The following SYNE1 variants were observed in gnomAD, a reference collection of about 807,000 sequenced individuals.
SYNE1 encodes nesprin-1.
A neutral mutation model predicts 1,111.0 loss-of-function variants in SYNE1; 616 were observed. That is an observed-to-expected ratio of 0.55 (90% CI 0.52 to 0.59). The LOEUF (loss-of-function observed/expected upper bound fraction) is 0.59, where lower values mean the gene tolerates loss of function less well. Among genes scored for constraint, SYNE1 ranks in the 20% least tolerant of loss-of-function variants. The probability of loss-of-function intolerance (pLI) is 0.00; values close to 1 mark genes in which losing one functional copy is unlikely to be tolerated. For missense variants in SYNE1, 10,006 were observed against 10,417.0 expected, an observed-to-expected ratio of 0.96 and a Z score of 1.72; for synonymous variants, 3,855 against 3,825.8, an observed-to-expected ratio of 1.01 and a Z score of -0.28.
At chr6:152,572,249 C>G (rs1299493353) in intron 3 of SYNE1, among the ~76,000 whole-genome samples, 1 of 152,096 alleles carries the variant, frequency 6.6e-6, no homozygotes, top group Non-Finnish European at 1.5e-5. Flanking sequence ...TACGTAAATT[C>G]AAACTTTTAC....
Position 152,451,046 on chromosome 6 carries a change from C to T in SYNE1, c.3186+1G>A. ...TCCACATTGTGGTGTGGGAGACGTA[C>T]CCTGTGCTCTTTAATTATCTTTTCA... On this transcript the variant is annotated splice_donor_variant, in intron 26 of 145. Coordinates refer to ENST00000367255, the MANE Select transcript of SYNE1 (RefSeq NM_182961.4). LOFTEE classifies it high-confidence loss of function. 1 of 1,614,066 alleles carries T rather than the reference C, an allele frequency of 6.2e-7. No homozygotes were observed.
chr6:152,577,501 C>CG (rs1270128956), intron 3 of SYNE1, among the ~76,000 whole-genome samples: 1 of 152,008 alleles, frequency 6.6e-6, no homozygotes, highest in Non-Finnish European at 1.5e-5. Context: ...GGCATGGTGG[C>CG]GGGCGCCTGT....
rs542913473 is a variant in SYNE1, at chr6:152,416,217, C to T, written c.6050+170G>A. Among the ~76,000 whole-genome samples, 17 of 152,320 alleles carry T rather than the reference C, an allele frequency of 1.1e-4. No individual in the cohort carries two copies. In the East Asian group the frequency reaches 2.7e-3, roughly 24 times the overall value. ...ATCTGTTTAGGAACAAAAGGAAAGGCAGCTGCTTGCATGACTCAACTCAGC... is the reference window on the plus strand; with the variant it reads ...ATCTGTTTAGGAACAAAAGGAAAGGTAGCTGCTTGCATGACTCAACTCAGC... On this transcript the variant is annotated intron_variant, in intron 41 of 145. Transcript: ENST00000367255.
intron 55 of SYNE1, among the ~76,000 whole-genome samples, chr6:152,385,368 T>C (rs2097509122): frequency 6.6e-6 from 1 of 152,234 alleles, no homozygotes; most frequent in African/African-American, 2.4e-5. Context: ...ACTTTTCTTC[T>C]ATGGTGCTAA....
chr6:152,407,847 C>T (rs778161843), intron 44 of SYNE1, among the ~76,000 whole-genome samples: 1 of 150,972 alleles, frequency 6.6e-6, no homozygotes, highest in African/African-American at 2.4e-5. Flanking sequence ...CTGCAACCTC[C>T]GCCTCCCGGG....
intron 32 of SYNE1, among the ~76,000 whole-genome samples, chr6:152,439,710 A>G (rs1002505392): frequency 2.6e-5 from 4 of 152,138 alleles, no homozygotes; most frequent in African/African-American, 7.2e-5. Context: ...ACAGAAACAC[A>G]AAGGTTTTCT....
At chr6:152,165,104 C>T (rs923957704) in intron 130 of SYNE1, among the ~76,000 whole-genome samples, 14 of 148,312 alleles carry the variant, frequency 9.4e-5, no homozygotes, top group Non-Finnish European at 1.5e-4. Flanking sequence ...TACTTCCAGG[C>T]ATTTAAAGAA....
At chr6:152,582,809 A>G (rs181761524) in intron 3 of SYNE1, among the ~76,000 whole-genome samples, 10 of 152,148 alleles carry the variant, frequency 6.6e-5, no homozygotes, top group Admixed American at 1.3e-4. Flanking sequence ...TCTTTGTTAA[A>G]GAGTATACTG....
intron 126 of SYNE1, among the ~76,000 whole-genome samples, chr6:152,205,406 C>A (rs572707224): frequency 1.3e-5 from 2 of 152,202 alleles, no homozygotes; most frequent in East Asian, 1.9e-4. Context: ...TAAGTCCTCA[C>A]AATGGCCACA....
intron 11 of SYNE1, among the ~76,000 whole-genome samples, chr6:152,490,790 G>C (rs918637773): frequency 6.6e-6 from 1 of 152,170 alleles, no homozygotes; most frequent in Non-Finnish European, 1.5e-5. Flanking sequence ...CAGGAGACCA[G>C]TCCCCTGTCC....
intron 63 of SYNE1, among the ~76,000 whole-genome samples, chr6:152,362,579 G>A (rs750481916): frequency 8.5e-5 from 13 of 152,074 alleles, no homozygotes; most frequent in South Asian, 2.1e-4. Flanking sequence ...AAGAGTCAGC[G>A]GCTGGGGGGA....
At chr6:152,246,622 G>C (rs1341328852) in intron 105 of SYNE1, among the ~76,000 whole-genome samples, 1 of 152,138 alleles carries the variant, frequency 6.6e-6, no homozygotes, top group Non-Finnish European at 1.5e-5. Flanking sequence ...CAGAAAAGAA[G>C]ACAGGTAAAA....
chr6:152,457,741 CTAT>C (rs1274064635), intron 22 of SYNE1, among the ~76,000 whole-genome samples: 10 of 151,802 alleles, frequency 6.6e-5, no homozygotes, highest in South Asian at 2.1e-4. Context: ...ATCTGTCTAT[CTAT>C]CTATCTATCT....
Position 152,309,899 on chromosome 6 carries a change from A to G in SYNE1, c.17138T>C (p.Leu5713Pro). The change falls in exon 90 of 146, where the codon CTG becomes CCG. Residue 5713 changes from leucine to proline, a missense_variant. By Grantham distance (98) the Leu-to-Pro change is moderately conservative (BLOSUM62 -3). Transcript: ENST00000367255. The stretch of plus-strand genomic sequence containing the variant: ...CCGGCTGGCCTCTTCCTGCAGCCGC[A>G]GAGCAGCATGACAGAGAGGTAAGCT... ...VASLPLCHAA[L>P]RLQEEASRLQ... is the part of the protein sequence containing the mutation. 1 of 1,614,176 alleles carries G rather than the reference A, an allele frequency of 6.2e-7. No homozygotes were observed. The highest frequency in any genetic ancestry group is 2.2e-5 in the East Asian group (1 of 44,884).
intron 66 of SYNE1, among the ~76,000 whole-genome samples, chr6:152,355,694 T>G (rs2096824810): frequency 6.6e-6 from 1 of 152,212 alleles, no homozygotes; most frequent in African/African-American, 2.4e-5. Flanking sequence ...CATGGCACAC[T>G]TATATTTCTG....
At chr6:152,205,213 G>A (rs545031507) in intron 126 of SYNE1, among the ~76,000 whole-genome samples, 9 of 151,552 alleles carry the variant, frequency 5.9e-5, no homozygotes, top group Admixed American at 5.3e-4. Context: ...ACATGTGACA[G>A]GCCAAATTTA....
intron 124 of SYNE1, among the ~76,000 whole-genome samples, chr6:152,210,493 C>T (rs2077326896): frequency 6.6e-6 from 1 of 152,132 alleles, no homozygotes; most frequent in African/African-American, 2.4e-5. Context: ...TATAATATCA[C>T]ATTCTGTTGT....
chr6:152,453,788 C>G, intron 24 of SYNE1, 68 bp from the exon 25 acceptor site: 10 of 1,598,946 alleles, frequency 6.3e-6, no homozygotes, highest in Non-Finnish European at 8.6e-6. Context: ...GCACAATCAG[C>G]CTCTAAGCCT....
chr6:152,301,647 C>G (rs2095172549), intron 92 of SYNE1, among the ~76,000 whole-genome samples: 1 of 152,204 alleles, frequency 6.6e-6, no homozygotes, highest in Non-Finnish European at 1.5e-5. Flanking sequence ...TTAAGTAATT[C>G]AGCTGTCTCG....
Sources: allele counts gnomAD v4.1 joint callset (sites outside exome capture counted in the v4.1 genomes callset), GRCh38; gene constraint gnomAD v4.1.1; transcripts MANE v1.5; gene names NCBI Gene and HGNC (gene_info 2026-07-23, HGNC 2026-07-21).